Variants in NWD2 observed in about 807,000 individuals in gnomAD.
NWD2 encodes the protein NACHT and WD repeat domain containing 2, also known as NACHT and WD repeat domain-containing protein 2.
A neutral mutation model predicts 132.7 loss-of-function variants in NWD2; 37 were observed. The ratio of observed to expected loss-of-function variants is 0.28; its 90% confidence interval spans 0.21 to 0.37. The LOEUF is 0.37. Ranked by LOEUF, NWD2 falls within the 10% of genes least tolerant of loss-of-function variation. NWD2 has a pLI of 1.00. For synonymous variants in NWD2, 705 were observed against 803.0 expected, an observed-to-expected ratio of 0.88 and a Z score of 2.06; for missense variants, 1,592 against 2,122.4, an observed-to-expected ratio of 0.75 and a Z score of 4.91.
chr4:37,427,553 A>T lies in NWD2; in HGVS notation c.358-3019A>T, dbSNP rs139715824. ...GTGCTCTTAATTGGGCTTCAGGCTA[A>T]TACAGTGGGTTGGGATTAGCACACC... On this transcript the variant is annotated intron_variant, in intron 3 of 6. Coordinates refer to ENST00000309447, the MANE Select transcript of NWD2 (RefSeq NM_001144990.2). Among the ~76,000 whole-genome samples the T allele has an allele frequency of 2.6e-5, 4 of 152,328 alleles. No individual in the cohort carries two copies. In the East Asian group the frequency reaches 7.7e-4, roughly 29 times the overall value.
At chr4:37,374,243 A>G (rs191877453) in intron 3 of NWD2, among the ~76,000 whole-genome samples, 43 of 152,340 alleles carry the variant, frequency 2.8e-4, no homozygotes, top group Admixed American at 1.9e-3. Flanking sequence ...CTCTGTCTCC[A>G]TGTGATGACA....
rs1712726147 is a variant in NWD2 at position 37,449,319 on chromosome 4, C to A, written c.*2102C>A. 6.6e-6 allele frequency: 1 copy of A among 152,096 alleles called. No homozygotes were observed. Among genetic ancestry groups the A allele is most frequent in the African/African-American group, 2.4e-5 (1 of 41,392 alleles). The allele number at this position is 152,096 out of a possible 1,614,324, so 9.4% of individuals were successfully genotyped here. ...AACTTTGTATCGTTGGGAAGAATTACCCAATCAGAGATTTATATTTTCATA... is the reference window on the plus strand; with the variant it reads ...AACTTTGTATCGTTGGGAAGAATTAACCAATCAGAGATTTATATTTTCATA... On this transcript the variant is annotated 3_prime_UTR_variant, in exon 7 of 7. Coordinates refer to ENST00000309447, the MANE Select transcript of NWD2 (RefSeq NM_001144990.2).
chr4:37,336,237 TG>T (rs1241671181), intron 2 of NWD2, among the ~76,000 whole-genome samples: 4 of 152,212 alleles, frequency 2.6e-5, no homozygotes, highest in Non-Finnish European at 5.9e-5. Flanking sequence ...TTCTCTGACA[TG>T]GTTTTTAAAA....
rs545592019 is a variant in NWD2 at position 37,320,962 on chromosome 4, A to G, written c.152-4974A>G. ...CACATGAGGTCAGCAGTTCGAGACCAGCTGGCCAACGTGGTAAAACCCCGT... is the reference window on the plus strand; with the variant it reads ...CACATGAGGTCAGCAGTTCGAGACCGGCTGGCCAACGTGGTAAAACCCCGT... On this transcript the variant is annotated intron_variant, in intron 1 of 6. Transcript: ENST00000309447. Among the ~76,000 whole-genome samples, 7 of 152,232 alleles carry G rather than the reference A, an allele frequency of 4.6e-5. No individual in the cohort carries two copies. In the South Asian group the frequency reaches 1.0e-3, roughly 23 times the overall value.
intron 3 of NWD2, among the ~76,000 whole-genome samples, chr4:37,359,496 G>A (rs1166865097): frequency 6.6e-6 from 1 of 151,992 alleles, no homozygotes; most frequent in Non-Finnish European, 1.5e-5. Flanking sequence ...GCTCCCTTGT[G>A]GATATTTCTA....
At chr4:37,342,956 G>T (rs139576903) in intron 2 of NWD2, among the ~76,000 whole-genome samples, 3 of 152,136 alleles carry the variant, frequency 2.0e-5, no homozygotes, top group African/African-American at 7.2e-5. Flanking sequence ...CTATATATCC[G>T]TCATATGTCT....
At chr4:37,250,607 CATT>C (rs1178138559) in intron 1 of NWD2, among the ~76,000 whole-genome samples, 2 of 152,172 alleles carry the variant, frequency 1.3e-5, no homozygotes, top group East Asian at 1.9e-4. Context: ...CTATTTTTAT[CATT>C]ATTATCTTTA....
chr4:37,423,267 T>C (rs2109323513), intron 3 of NWD2, among the ~76,000 whole-genome samples: 2 of 152,360 alleles, frequency 1.3e-5, no homozygotes, highest in South Asian at 4.1e-4. Flanking sequence ...GTGGACATTA[T>C]TTTAACAGGG....
chr4:37,349,087 G>A (rs1386853476), intron 2 of NWD2, among the ~76,000 whole-genome samples: 1 of 152,022 alleles, frequency 6.6e-6, no homozygotes, highest in African/African-American at 2.4e-5. Flanking sequence ...TATCACTGAT[G>A]GGCATTCGGG....
At chr4:37,277,600 G>T (rs1010142702) in intron 1 of NWD2, among the ~76,000 whole-genome samples, 3 of 151,796 alleles carry the variant, frequency 2.0e-5, no homozygotes, top group Non-Finnish European at 2.9e-5. Context: ...AAATTCAGCT[G>T]CCTCTTGATT....
chr4:37,426,893 G>C (rs1238367637), intron 3 of NWD2, among the ~76,000 whole-genome samples: 3 of 152,064 alleles, frequency 2.0e-5, no homozygotes, highest in Non-Finnish European at 2.9e-5. Flanking sequence ...GCCTTGTTTA[G>C]AGCAGAAAGA....
At chr4:37,267,357 A>C (rs1277537917) in intron 1 of NWD2, among the ~76,000 whole-genome samples, 2 of 151,996 alleles carry the variant, frequency 1.3e-5, no homozygotes, top group Non-Finnish European at 2.9e-5. Flanking sequence ...TGCTTCAAAG[A>C]GGGAGGTAGC....
intron 3 of NWD2, among the ~76,000 whole-genome samples, chr4:37,414,632 C>A (rs1056825509): frequency 6.6e-6 from 1 of 152,098 alleles, no homozygotes; most frequent in Non-Finnish European, 1.5e-5. Flanking sequence ...GTTTCTCATT[C>A]CAGATCTTAT....
At chr4:37,289,745 G>A (rs981887482) in intron 1 of NWD2, among the ~76,000 whole-genome samples, 1 of 152,082 alleles carries the variant, frequency 6.6e-6, no homozygotes, top group African/African-American at 2.4e-5. Context: ...CAAACCTTTA[G>A]CTAAATATGG....
At chr4:37,421,987 TCTCTTCCAATAAGGGCACC>T (rs1423567773) in intron 3 of NWD2, among the ~76,000 whole-genome samples, 1 of 152,156 alleles carries the variant, frequency 6.6e-6, no homozygotes, top group Non-Finnish European at 1.5e-5. Flanking sequence ...CTCTGGTGTC[TCTCTTCCAATAAGGGCACC>T]AGTTCTATTA....
intron 3 of NWD2, among the ~76,000 whole-genome samples, chr4:37,376,145 A>G (rs1445010612): frequency 6.6e-6 from 1 of 152,206 alleles, no homozygotes; most frequent in African/African-American, 2.4e-5. Context: ...AAACTCTAAG[A>G]TGCAGAATTA....
intron 2 of NWD2, among the ~76,000 whole-genome samples, chr4:37,355,311 A>G (rs1719850299): frequency 6.6e-6 from 1 of 152,220 alleles, no homozygotes; most frequent in African/African-American, 2.4e-5. Context: ...GGTATGGGCC[A>G]TGAGAATATT....
chr4:37,250,880 T>C (rs1191518252), intron 1 of NWD2, among the ~76,000 whole-genome samples: 2 of 152,242 alleles, frequency 1.3e-5, no homozygotes, highest in African/African-American at 4.8e-5. Flanking sequence ...CTACTGCTCC[T>C]AGTCTACAAA....
intron 2 of NWD2, among the ~76,000 whole-genome samples, chr4:37,329,822 G>A (rs1464132347): frequency 6.6e-6 from 1 of 152,164 alleles, no homozygotes; most frequent in African/African-American, 2.4e-5. Flanking sequence ...CAAAGGAATG[G>A]TCAAAGCAGG....
Sources: allele counts gnomAD v4.1 joint callset (sites outside exome capture counted in the v4.1 genomes callset), GRCh38; gene constraint gnomAD v4.1.1; transcripts MANE v1.5; gene names NCBI Gene and HGNC (gene_info 2026-07-23, HGNC 2026-07-21).